Variants in F11 observed in about 807,000 individuals in gnomAD.
F11 encodes the protein coagualtion factor XI.
A neutral mutation model predicts 76.5 loss-of-function variants in F11; 78 were observed. The ratio of observed to expected loss-of-function variants is 1.02; its 90% CI spans 0.85 to 1.23. The LOEUF (loss-of-function observed/expected upper bound fraction) is 1.23, where lower values mean the gene tolerates loss of function less well. F11 is among the 50% of genes most tolerant of loss of function. The probability of loss-of-function intolerance (pLI) is 0.00; values close to 1 mark genes in which losing one functional copy is unlikely to be tolerated. For synonymous variants in F11, 278 were observed against 276.3 expected, an observed-to-expected ratio of 1.01 and a Z score of -0.06; for missense variants, 742 against 771.4, an observed-to-expected ratio of 0.96 and a Z score of 0.45.
intron 13 of F11, 35 bp from the exon 14 acceptor site, chr4:186,287,649 T>C (rs754111725): frequency 1.4e-5 from 21 of 1,526,418 alleles, no homozygotes; most frequent in Non-Finnish European, 1.7e-5. Context: ...TTGTGTATGG[T>C]TATTCTACAA....
At chr4:186,274,433 A>G in intron 5 of F11, 158 bp downstream of exon 5, 1 of 891,270 alleles carries the variant, frequency 1.1e-6, no homozygotes, top group Non-Finnish European at 1.8e-6. Context: ...AATACACTTA[A>G]AGCCTAATTT....
Position 186,274,397 on chromosome 4 carries a change from T to A in F11, c.485+122T>A, listed in dbSNP as rs1593. 1,101,735 of 1,257,504 alleles carry A rather than the reference T, an allele frequency of 0.88. 483,118 individuals carry two copies. Among genetic ancestry groups the A allele is most frequent in the East Asian group, 0.92 (36,904 of 39,922 alleles). The allele number at this position is 1,257,504 out of a possible 1,614,324, so 77.9% of individuals were successfully genotyped here. A position where few individuals can be genotyped will look rare whatever the true frequency, so the allele number is the denominator to read the frequency against. On this transcript the variant is annotated intron_variant, in intron 5 of 14. Coordinates refer to ENST00000403665, the MANE Select transcript of F11 (RefSeq NM_000128.4). ...GAACCCCTAAAAGACATTTCTATAA[T>A]AGTACTCCTAGTTTTCTTCATGAAA...
At chr4:186,274,359 C>T (rs1442049075) in intron 5 of F11, 84 bp downstream of exon 5, 1 of 1,560,230 alleles carries the variant, frequency 6.4e-7, no homozygotes, top group East Asian at 2.3e-5. Context: ...AACTTTATGC[C>T]AGAATTTATT....
rs1301091722 is a variant in F11 at position 186,285,874 on chromosome 4, C to T, written c.1480+61C>T. The T allele has an allele frequency of 1.9e-6, 3 of 1,558,768 alleles. No individual in the cohort carries two copies. In the African/African-American group the frequency reaches 4.1e-5, roughly 21 times the overall value. Reference sequence around the variant, plus strand: ...GGTGAACTGGATAAAATGTTTAACACTACTAGACTTACGGCCTGACCCTGC... The same window carrying T: ...GGTGAACTGGATAAAATGTTTAACATTACTAGACTTACGGCCTGACCCTGC... On this transcript the variant is annotated intron_variant, in intron 12 of 14. Coordinates refer to ENST00000403665, the MANE Select transcript of F11 (RefSeq NM_000128.4).
chr4:186,286,644 G>T, intron 13 of F11, 134 bp downstream of exon 13: 1 of 1,498,524 alleles, frequency 6.7e-7, no homozygotes, highest in East Asian at 2.5e-5. Context: ...AATAAAGATG[G>T]AGAGGCAAAA....
Position 186,274,171 on chromosome 4 carries a change from C to T in F11, c.381C>T (p.Ser127=). The T allele has an allele frequency of 6.2e-7, 1 of 1,614,170 alleles. No homozygotes were observed. Among genetic ancestry groups the T allele is most frequent in the Non-Finnish European group, 8.5e-7 (1 of 1,180,028 alleles). ...ACATGAAGGGCATAAACTATAACAG[C>T]TCAGTTGCCAAGAGTGCTCAAGAAT... ...DLDMKGINYN[S]SVAKSAQECQ... The change falls in exon 5 of 15, where the codon AGC becomes AGT. Residue 127 remains serine (S), a synonymous_variant. Coordinates refer to ENST00000403665, the MANE Select transcript of F11 (RefSeq NM_000128.4).
chr4:186,266,583 T>C lies in F11; in HGVS notation c.-2+288T>C, dbSNP rs187222679. 4.3e-3 allele frequency among the ~76,000 whole-genome samples: 658 copies of C among 152,332 alleles called. 9 individuals carry two copies. The highest frequency in any genetic ancestry group is 0.015 in the African/African-American group (627 of 41,580). On this transcript the variant is annotated intron_variant, in intron 1 of 14. Transcript: ENST00000403665. ...AATCAGAAGTCTTGATTTGTCTCAC[T>C]GATGACTCCGTTTTTCCTAGAGCAG...
At chr4:186,267,086 A>C in intron 1 of F11, 50 bp from the exon 2 acceptor site, 3 of 1,241,502 alleles carry the variant, frequency 2.4e-6, no homozygotes, top group Non-Finnish European at 3.6e-6. Flanking sequence ...TAAACTAATT[A>C]TAAATTTACA....
At chr4:186,269,808 G>A (rs1277033684) in intron 2 of F11, among the ~76,000 whole-genome samples, 5 of 152,080 alleles carry the variant, frequency 3.3e-5, no homozygotes, top group Non-Finnish European at 5.9e-5. Context: ...AATATGTGCC[G>A]AAAAATGCTT....
chr4:186,290,224 A>T (rs1399020056), downstream of F11, among the ~76,000 whole-genome samples: 1 of 152,204 alleles, frequency 6.6e-6, no homozygotes, highest in South Asian at 2.1e-4. Context: ...ATACAAAGGA[A>T]TTTGTCCTGA....
chr4:186,288,592 T>A lies in F11; in HGVS notation c.1856T>A (p.Leu619Gln). The change falls in exon 15 of 15, where the codon CTG becomes CAG. Residue 619 changes from leucine (L) to glutamine (Q), a missense_variant. By Grantham distance (113) the Leu-to-Gln change is moderately radical (BLOSUM62 -2). Transcript: ENST00000403665. The part of the protein sequence containing the change: ...TNVVEYVDWI[L>Q]EKTQAV The stretch of plus-strand genomic sequence containing the variant: ...GTGGTCGAGTACGTGGACTGGATTC[T>A]GGAGAAAACTCAAGCAGTGTGAATG... 1.2e-6 allele frequency: 2 copies of A among 1,614,130 alleles called. No homozygotes were observed. The highest frequency in any genetic ancestry group is 2.2e-5 in the South Asian group (2 of 91,072).
At chr4:186,281,353 C>A (rs1269957163) in intron 10 of F11, among the ~76,000 whole-genome samples, 4 of 152,098 alleles carry the variant, frequency 2.6e-5, no homozygotes, top group Non-Finnish European at 5.9e-5. Flanking sequence ...TATTCAGATT[C>A]CATGCAGGGT....
rs281875265 is a variant in F11 at position 186,276,358 on chromosome 4, C to G, written c.723C>G (p.Phe241Leu). The G allele has an allele frequency of 1.8e-5, 29 of 1,613,960 alleles. No individual in the cohort carries two copies. In the African/African-American group the frequency reaches 3.3e-4, roughly 19 times the overall value. ...THHPGCLFFTFFSQEWPKESQ... is the reference protein window; with the variant it reads ...THHPGCLFFTLFSQEWPKESQ... ...ATCCCGGTTGCTTGTTTTTTACCTT[C>G]TTTTCCCAGGAATGGCCCAAAGAAT... Residue 241 changes from phenylalanine to leucine, a missense_variant, in exon 7 of 15, where the codon TTC (phenylalanine) becomes TTG (leucine). Physicochemically the swap from Phe to Leu is conservative, Grantham distance 22. Transcript: ENST00000403665.
chr4:186,282,660 A>G, intron 10 of F11: 1 of 985,280 alleles, frequency 1.0e-6, no homozygotes, highest in Non-Finnish European at 1.2e-6. Flanking sequence ...TTACCTATTA[A>G]TTTTCCTAAA....
intron 1 of F11, among the ~76,000 whole-genome samples, chr4:186,266,842 G>T (rs1739535526): frequency 6.6e-6 from 1 of 152,126 alleles, no homozygotes; most frequent in African/African-American, 2.4e-5. Flanking sequence ...CCATGAGAAG[G>T]ATCTGAACAC....
At chr4:186,287,126 C>A (rs891073033) in intron 13 of F11, among the ~76,000 whole-genome samples, 1 of 151,814 alleles carries the variant, frequency 6.6e-6, no homozygotes, top group Admixed American at 6.6e-5. Flanking sequence ...GGTACCCAAC[C>A]ACCACCCCAA....
Position 186,280,557 on chromosome 4 carries a change from T to C in F11, c.1112T>C (p.Leu371Ser), listed in dbSNP as rs775501810. The C allele has an allele frequency of 6.2e-7, 1 of 1,613,150 alleles. No individual in the cohort carries two copies. Among genetic ancestry groups the C allele is most frequent in the Non-Finnish European group, 8.5e-7 (1 of 1,179,100 alleles). Residue 371 changes from leucine to serine, a missense_variant, in exon 10 of 15, where the codon TTA (leucine) becomes TCA (serine). Transcript: ENST00000403665. ...HGRGGISGYT[L>S]RLCKMDNECT... ...AGAGGAGGCATCTCTGGATACACAT[T>C]AAGGTTGTGTAAAATGGATAATGGT...
At chr4:186,269,739 C>T (rs1739792388) in intron 2 of F11, among the ~76,000 whole-genome samples, 1 of 152,004 alleles carries the variant, frequency 6.6e-6, no homozygotes, top group African/African-American at 2.4e-5. Context: ...CTCAAGATGG[C>T]TACATGGCAC....
In F11 at chr4:186,276,437, C is replaced by G. The variant is rs1339733761; in HGVS notation, c.755+47C>G. ...ATAATTTGTTATCTTCTAAAAATAG[C>G]TGATCAAAATCCATCATTAAAAATT... On this transcript the variant is annotated intron_variant, in intron 7 of 14. Transcript: ENST00000403665. 3 of 1,596,910 alleles carry G rather than the reference C, an allele frequency of 1.9e-6. No individual in the cohort carries two copies. In the East Asian group the frequency reaches 6.7e-5, roughly 36 times the overall value.
Sources: gnomAD v4.1 joint callset for allele counts (sites outside exome capture counted in the v4.1 genomes callset) on GRCh38, gnomAD v4.1.1 for gene constraint, MANE v1.5 for transcripts, NCBI Gene and HGNC (gene_info 2026-07-23, HGNC 2026-07-21) for gene names.